Variants in SGMS1 observed in about 807,000 individuals in gnomAD.
SGMS1 encodes the protein sphingomyelin synthase 1.
Under a neutral mutation model 46.2 loss-of-function variants are expected in SGMS1, and 13 were observed. The observed-to-expected ratio is 0.28, with a 90% CI of 0.18 to 0.45. The LOEUF is 0.45. Ranked by LOEUF, SGMS1 falls within the 20% of genes least tolerant of loss-of-function variation. The pLI, the probability that SGMS1 is intolerant of heterozygous loss-of-function variation, is 1.00. For synonymous variants in SGMS1, 203 were observed against 187.8 expected (o/e 1.08, Z -0.66); for missense variants, 324 against 519.9 (o/e 0.62, Z 3.66).
intron 6 of SGMS1, among the ~76,000 whole-genome samples, chr10:50,387,491 C>T (rs1456986729): frequency 1.3e-5 from 2 of 152,096 alleles, no homozygotes; most frequent in East Asian, 3.8e-4. Context: ...CAATATTCTC[C>T]CTGTAAGAAG....
chr10:50,326,262 G>A (rs1847531448), intron 8 of SGMS1, among the ~76,000 whole-genome samples: 1 of 152,174 alleles, frequency 6.6e-6, no homozygotes, highest in South Asian at 2.1e-4. Flanking sequence ...AGCCACAGGA[G>A]ACATACAAAT....
intron 8 of SGMS1, among the ~76,000 whole-genome samples, chr10:50,320,968 G>T (rs1300237390): frequency 6.6e-6 from 1 of 152,220 alleles, no homozygotes; most frequent in Non-Finnish European, 1.5e-5. Flanking sequence ...GATGCCCAGA[G>T]GGAGAAGGCG....
At chr10:50,365,143 C>T (rs1381365466) in intron 6 of SGMS1, among the ~76,000 whole-genome samples, 3 of 151,288 alleles carry the variant, frequency 2.0e-5, no homozygotes, top group Admixed American at 1.3e-4. Flanking sequence ...GCATGTAGTC[C>T]CAGCTACTCA....
chr10:50,570,658 G>A (rs11006166), intron 2 of SGMS1, among the ~76,000 whole-genome samples: 20,933 of 152,198 alleles, frequency 0.14, 1,737 homozygotes, highest in Non-Finnish European at 0.19. Context: ...GTAGAGCCAC[G>A]CAAAGTGGCT....
intron 6 of SGMS1, among the ~76,000 whole-genome samples, chr10:50,378,973 G>A (rs1848561604): frequency 6.6e-6 from 1 of 152,018 alleles, no homozygotes; most frequent in Non-Finnish European, 1.5e-5. Context: ...TAGTGTAGGG[G>A]AAAAAGGAGC....
At chr10:50,595,315 A>G (rs1277022532) in intron 1 of SGMS1, among the ~76,000 whole-genome samples, 1 of 152,018 alleles carries the variant, frequency 6.6e-6, no homozygotes, top group Non-Finnish European at 1.5e-5. Flanking sequence ...TGCTGGGACT[A>G]CAGGCGCACA....
At chr10:50,337,255 C>T (rs1847730978) in intron 7 of SGMS1, among the ~76,000 whole-genome samples, 1 of 152,128 alleles carries the variant, frequency 6.6e-6, no homozygotes, top group Admixed American at 6.6e-5. Flanking sequence ...GTTCTGCTCG[C>T]TGCTATATCC....
rs561929052 is a variant in SGMS1, at chr10:50,435,125, G to T, written c.-312-1569C>A. Among the ~76,000 whole-genome samples, 3 of 152,246 alleles carry T rather than the reference G, an allele frequency of 2.0e-5. No homozygotes were observed. In the East Asian group the frequency reaches 5.8e-4, roughly 29 times the overall value. On this transcript the variant is annotated intron_variant, in intron 5 of 10. Transcript: ENST00000361781. ...TTACATGAATGAGAAACACAGTAAGGTTTGATACAGGTTTAAAATAAACAG... is the reference window on the plus strand; with the variant it reads ...TTACATGAATGAGAAACACAGTAAGTTTTGATACAGGTTTAAAATAAACAG...
intron 2 of SGMS1, among the ~76,000 whole-genome samples, chr10:50,581,574 C>T (rs1166407496): frequency 6.6e-6 from 1 of 152,046 alleles, no homozygotes; most frequent in African/African-American, 2.4e-5. Context: ...ATATTCAATC[C>T]CTGACTATGC....
chr10:50,431,901 C>T (rs567223317), intron 6 of SGMS1, among the ~76,000 whole-genome samples: 50 of 152,234 alleles, frequency 3.3e-4, no homozygotes, highest in African/African-American at 1.1e-3. Flanking sequence ...AATAGGCAAG[C>T]GATGCCAGGG....
intron 1 of SGMS1, among the ~76,000 whole-genome samples, chr10:50,618,076 G>A (rs1169807402): frequency 6.6e-6 from 1 of 151,826 alleles, no homozygotes; most frequent in Non-Finnish European, 1.5e-5. Context: ...GGGAATCTGA[G>A]GTATGATAAA....
intron 6 of SGMS1, among the ~76,000 whole-genome samples, chr10:50,396,071 C>T (rs976162020): frequency 6.6e-6 from 1 of 152,172 alleles, no homozygotes; most frequent in African/African-American, 2.4e-5. Flanking sequence ...CTGGACCCTC[C>T]AGTGCATTTC....
chr10:50,560,185 AAT>A (rs984452868), intron 2 of SGMS1, among the ~76,000 whole-genome samples: 4 of 145,750 alleles, frequency 2.7e-5, no homozygotes, highest in African/African-American at 7.5e-5. Context: ...CATATATCAG[AAT>A]ATATGTGTAT....
At chr10:50,389,243 G>T (rs1245764451) in intron 6 of SGMS1, among the ~76,000 whole-genome samples, 1 of 152,116 alleles carries the variant, frequency 6.6e-6, no homozygotes, top group Non-Finnish European at 1.5e-5. Context: ...AATAAAAGGT[G>T]CAGTTTTTTA....
intron 6 of SGMS1, among the ~76,000 whole-genome samples, chr10:50,383,277 A>G (rs1338492412): frequency 6.6e-6 from 1 of 152,216 alleles, no homozygotes; most frequent in Non-Finnish European, 1.5e-5. Context: ...ACAGATGAAT[A>G]GAGCCGAAAG....
chr10:50,430,099 T>C (rs1849385683), intron 6 of SGMS1, among the ~76,000 whole-genome samples: 1 of 152,174 alleles, frequency 6.6e-6, no homozygotes, highest in Non-Finnish European at 1.5e-5. Context: ...TGTTCCTTTC[T>C]GCTCAAACTG....
At chr10:50,373,722 T>C (rs1396097244) in intron 6 of SGMS1, among the ~76,000 whole-genome samples, 1 of 152,132 alleles carries the variant, frequency 6.6e-6, no homozygotes, top group East Asian at 1.9e-4. Flanking sequence ...TAATACCACA[T>C]TGGGAGAAAA....
At position 50,486,851 on chromosome 10, in the gene SGMS1, A is replaced by T. The variant is rs1261286699; in HGVS notation, c.-497-19919T>A. Reference sequence around the variant, plus strand: ...ATAAATCATTCTATTATAAAGATACATGCATGCATATGTTCATTGCAGCAC... The same window carrying T: ...ATAAATCATTCTATTATAAAGATACTTGCATGCATATGTTCATTGCAGCAC... On this transcript the variant is annotated intron_variant, in intron 3 of 10. Coordinates refer to ENST00000361781, the MANE Select transcript of SGMS1 (RefSeq NM_147156.4). Among the ~76,000 whole-genome samples, 3 of 152,254 alleles carry T rather than the reference A, an allele frequency of 2.0e-5. No homozygotes were observed. The East Asian group carries it at 5.8e-4, about 29-fold the overall frequency.
intron 2 of SGMS1, among the ~76,000 whole-genome samples, chr10:50,542,231 A>G (rs1397753897): frequency 6.6e-6 from 1 of 152,170 alleles, no homozygotes; most frequent in African/African-American, 2.4e-5. Context: ...CATGGAAACA[A>G]AATTTTCCAG....
Sources: allele counts gnomAD v4.1 joint callset (sites outside exome capture counted in the v4.1 genomes callset), GRCh38; gene constraint gnomAD v4.1.1; transcripts MANE v1.5; gene names NCBI Gene and HGNC (gene_info 2026-07-23, HGNC 2026-07-21).